Variants in CSGALNACT1 observed in about 807,000 individuals in gnomAD.
CSGALNACT1 encodes the protein beta4GalNAcT-1.
In CSGALNACT1, 52 loss-of-function variants were observed where a neutral mutation model predicts 51.0. The observed-to-expected ratio is 1.02, with a 90% CI of 0.82 to 1.29. The LOEUF is 1.29. Among genes scored for constraint, CSGALNACT1 ranks in the 50% most tolerant of loss-of-function variants. The probability of loss-of-function intolerance (pLI) is 0.00; values close to 1 mark genes in which losing one functional copy is unlikely to be tolerated. For missense variants in CSGALNACT1, 935 were observed against 679.2 expected, an observed-to-expected ratio of 1.38 and a Z score of -4.19; for synonymous variants, 341 against 254.4, an observed-to-expected ratio of 1.34 and a Z score of -3.24.
intron 3 of CSGALNACT1, 23 bp from the exon 3 acceptor site, chr8:19,506,153 T>C (rs1054069582): frequency 1.8e-6 from 1 of 554,716 alleles, no homozygotes; most frequent in Non-Finnish European, 3.4e-6. Context: ...ACAAATGACA[T>C]CAACACTTAA....
chr8:19,646,220 T>C (rs2057263282), intron 1 of CSGALNACT1, among the ~76,000 whole-genome samples: 1 of 152,038 alleles, frequency 6.6e-6, no homozygotes, highest in Admixed American at 6.5e-5. Context: ...GTGTGTAAAA[T>C]AAGAACACTG....
At chr8:19,436,737 G>A (rs1271905938) in intron 6 of CSGALNACT1, among the ~76,000 whole-genome samples, 1 of 151,924 alleles carries the variant, frequency 6.6e-6, no homozygotes, top group East Asian at 1.9e-4. Context: ...GGAGACACTG[G>A]CTCTACAAAA....
intron 8 of CSGALNACT1, among the ~76,000 whole-genome samples, 154 bp downstream of exon 7, chr8:19,418,502 C>T (rs578239805): frequency 3.3e-5 from 5 of 152,148 alleles, no homozygotes; most frequent in Non-Finnish European, 5.9e-5. Flanking sequence ...CAACGAGGCG[C>T]CGGGAGCAGA....
intron 1 of CSGALNACT1, among the ~76,000 whole-genome samples, chr8:19,706,798 T>C (rs191467254): frequency 6.6e-6 from 1 of 152,112 alleles, no homozygotes; most frequent in Admixed American, 6.6e-5. Context: ...TACATTTTTT[T>C]AAATCTTTTG....
intron 1 of CSGALNACT1, among the ~76,000 whole-genome samples, chr8:19,722,976 C>A (rs1238205196): frequency 6.6e-6 from 1 of 152,224 alleles, no homozygotes; most frequent in South Asian, 2.1e-4. Flanking sequence ...CTACTACCTG[C>A]CACCGATCTT....
chr8:19,409,366 C>T (rs1377358145), intron 8 of CSGALNACT1, among the ~76,000 whole-genome samples: 3 of 152,170 alleles, frequency 2.0e-5, no homozygotes, highest in African/African-American at 7.2e-5. Flanking sequence ...AAGCATCTAC[C>T]GTGGTGCCAG....
chr8:19,686,921 G>C (rs372403139), upstream of CSGALNACT1, among the ~76,000 whole-genome samples: 34 of 152,190 alleles, frequency 2.2e-4, no homozygotes, highest in East Asian at 1.5e-3. Context: ...ATGGCCAACA[G>C]TTTAACGTAA....
intron 1 of CSGALNACT1, among the ~76,000 whole-genome samples, chr8:19,646,585 A>G (rs1294525610): frequency 6.6e-6 from 1 of 152,132 alleles, no homozygotes; most frequent in African/African-American, 2.4e-5. Context: ...TTTTTAGCTG[A>G]CAGAATACCA....
At chr8:19,734,106 T>C (rs958614888) in intron 1 of CSGALNACT1, among the ~76,000 whole-genome samples, 2 of 152,178 alleles carry the variant, frequency 1.3e-5, no homozygotes, top group Admixed American at 1.3e-4. Flanking sequence ...TAACAGAACC[T>C]GAATGGCCAC....
At chr8:19,478,050 CT>C (rs1212227603) in intron 4 of CSGALNACT1, among the ~76,000 whole-genome samples, 1 of 152,120 alleles carries the variant, frequency 6.6e-6, no homozygotes, top group Non-Finnish European at 1.5e-5. Flanking sequence ...AGCTCTAGGT[CT>C]GGTGGTTCCC....
chr8:19,437,560 A>G (rs905894572), intron 6 of CSGALNACT1, among the ~76,000 whole-genome samples: 3 of 152,182 alleles, frequency 2.0e-5, no homozygotes, highest in African/African-American at 7.2e-5. Flanking sequence ...CATCAGTGAC[A>G]TCAACACTAC....
intron 6 of CSGALNACT1, among the ~76,000 whole-genome samples, chr8:19,421,669 A>G (rs1298632494): frequency 1.3e-5 from 2 of 152,390 alleles, no homozygotes; most frequent in South Asian, 2.1e-4. Flanking sequence ...CGTCTCGGGT[A>G]AAGGCCAACG....
intron 1 of CSGALNACT1, among the ~76,000 whole-genome samples, chr8:19,687,614 T>G (rs920789565): frequency 2.0e-5 from 3 of 152,224 alleles, no homozygotes; most frequent in Non-Finnish European, 2.9e-5. Flanking sequence ...ATATAATTCC[T>G]GAAATATCAA....
At chr8:19,549,656 C>CTTTTTTTTTTTT (rs542956513) in intron 3 of CSGALNACT1, among the ~76,000 whole-genome samples, 1 of 83,468 alleles carries the variant, frequency 1.2e-5, no homozygotes, top group Non-Finnish European at 2.3e-5. Context: ...CAATTTCCTA[C>CTTTTTTTTTTTT]TTTTTTTTTT....
chr8:19,452,213 G>A (rs1169578791), intron 5 of CSGALNACT1, among the ~76,000 whole-genome samples: 1 of 152,214 alleles, frequency 6.6e-6, no homozygotes, highest in Non-Finnish European at 1.5e-5. Context: ...TCGTTGGCGA[G>A]AAAACAGAGG....
chr8:19,643,223 AG>A (rs1202965698), intron 1 of CSGALNACT1, among the ~76,000 whole-genome samples: 1 of 152,226 alleles, frequency 6.6e-6, no homozygotes, highest in East Asian at 1.9e-4. Context: ...AATTTTAAAA[AG>A]TCAATAATAA....
chr8:19,429,012 T>C (rs903549048), intron 6 of CSGALNACT1, among the ~76,000 whole-genome samples: 7 of 152,126 alleles, frequency 4.6e-5, no homozygotes, highest in Admixed American at 3.3e-4. Flanking sequence ...AGTTACAAAA[T>C]GTTTTCATCA....
intron 2 of CSGALNACT1, among the ~76,000 whole-genome samples, chr8:19,599,505 AAAG>A (rs1460551862): frequency 2.1e-5 from 3 of 139,986 alleles, no homozygotes; most frequent in Non-Finnish European, 3.3e-5. Context: ...AGAAAGAAAG[AAAG>A]AAAGAAAGAA....
chr8:19,636,617 T>C (rs914490462), intron 1 of CSGALNACT1, among the ~76,000 whole-genome samples: 16 of 152,322 alleles, frequency 1.1e-4, no homozygotes, highest in Admixed American at 9.8e-4. Context: ...AGACCTGTCT[T>C]TCCAAAATCG....
Sources: allele counts gnomAD v4.1 joint callset (sites outside exome capture counted in the v4.1 genomes callset), GRCh38; gene constraint gnomAD v4.1.1; transcripts MANE v1.5; gene names NCBI Gene and HGNC (gene_info 2026-07-23, HGNC 2026-07-21).